Variants in LRIG1 observed in about 807,000 individuals in gnomAD.
LRIG1 encodes leucine rich repeats and immunoglobulin like domains 1, also known as leucine-rich repeats and immunoglobulin-like domains protein 1.
Under a neutral mutation model 99.2 loss-of-function variants are expected in LRIG1, and 48 were observed. The observed-to-expected ratio is 0.48, with a 90% CI of 0.38 to 0.62. The LOEUF (loss-of-function observed/expected upper bound fraction) is 0.62. Among genes scored for constraint, LRIG1 ranks in the 20% least tolerant of loss-of-function variants. The pLI is 0.00. For synonymous variants in LRIG1, 772 were observed against 596.1 expected, an observed-to-expected ratio of 1.29 and a Z score of -4.30; for missense variants, 1,646 against 1,434.4, an observed-to-expected ratio of 1.15 and a Z score of -2.38.
chr3:66,415,477 T>C (rs941942477), intron 4 of LRIG1, among the ~76,000 whole-genome samples: 12 of 152,214 alleles, frequency 7.9e-5, no homozygotes, highest in African/African-American at 2.7e-4. Context: ...GCAAGGTCAG[T>C]GTTAATTTAA....
intron 15 of LRIG1, 41 bp from the exon 16 acceptor site, chr3:66,382,439 G>T: frequency 6.2e-7 from 1 of 1,612,862 alleles, no homozygotes; most frequent in South Asian, 1.1e-5. Flanking sequence ...GGGTCTCAGT[G>T]ACAAGAAATG....
At position 66,405,787 on chromosome 3, in the gene LRIG1, T is replaced by A. The variant is rs571244886; in HGVS notation, c.1080-509A>T. On this transcript the variant is annotated intron_variant, in intron 8 of 18. Coordinates refer to ENST00000273261, the MANE Select transcript of LRIG1 (RefSeq NM_015541.3). ...GGTCTGGAGCCCGGAGCCCATCTCC[T>A]CCCAAGGCCTGCAGGGCGCTGACTC... is the stretch of plus-strand genomic sequence containing the variant. The A allele has an allele frequency of 9.8e-4, 1,163 of 1,184,312 alleles. 1 individual carries two copies. The highest frequency in any genetic ancestry group is 1.2e-3 in the Non-Finnish European group (1,094 of 936,022). 73.4% of individuals were successfully genotyped at this position (1,184,312 alleles called of 1,614,324 possible).
intron 3 of LRIG1, among the ~76,000 whole-genome samples, chr3:66,440,153 G>C (rs1000892363): frequency 3.3e-5 from 5 of 152,048 alleles, no homozygotes; most frequent in African/African-American, 7.3e-5. Flanking sequence ...TAAAGCTTTT[G>C]GCTGCACACT....
Position 66,384,058 on chromosome 3 carries a change from C to A in LRIG1, c.2004G>T (p.Gly668=). 26 of 1,614,066 alleles carry A rather than the reference C, an allele frequency of 1.6e-5. No homozygotes were observed. Among genetic ancestry groups the A allele is most frequent in the Non-Finnish European group, 2.2e-5 (26 of 1,180,032 alleles). The part of the protein sequence containing the change: ...FITDVKIDDA[G]VYSCTAQNSA... ...AGTTCTGAGCAGTACAGCTGTAAAC[C>A]CCTGCGTCATCTATTTTCACATCAG... Residue 668 remains glycine (G), a synonymous_variant, in exon 14 of 19, where the codon GGG becomes GGT. Coordinates refer to ENST00000273261, the MANE Select transcript of LRIG1 (RefSeq NM_015541.3).
intron 5 of LRIG1, among the ~76,000 whole-genome samples, chr3:66,413,864 G>C (rs1026059620): frequency 2.0e-5 from 3 of 152,080 alleles, no homozygotes; most frequent in African/African-American, 4.8e-5. Flanking sequence ...ACACCCCGTC[G>C]TGCCGCCAAC....
At chr3:66,386,539 A>T (rs955403854) in intron 12 of LRIG1, 7 of 485,780 alleles carry the variant, frequency 1.4e-5, no homozygotes, top group Admixed American at 7.2e-5. Context: ...CTTGATTAGA[A>T]ATTAACCCAC....
At chr3:66,394,579 C>T (rs542205962) in intron 11 of LRIG1, among the ~76,000 whole-genome samples, 12 of 152,264 alleles carry the variant, frequency 7.9e-5, no homozygotes, top group Admixed American at 7.2e-4. Context: ...TGCCTTCTGA[C>T]CTCTCCTGAC....
In LRIG1 at chr3:66,380,200, G is replaced by C. The variant is rs753591119; in HGVS notation, c.*63C>G. 5.7e-6 allele frequency: 8 copies of C among 1,394,656 alleles called. No individual in the cohort carries two copies. In the Admixed American group the frequency reaches 1.6e-4, roughly 29 times the overall value. 86.4% of individuals were successfully genotyped at this position (1,394,656 alleles called of 1,614,324 possible). On this transcript the variant is annotated 3_prime_UTR_variant, in exon 19 of 19. Coordinates refer to ENST00000273261, the MANE Select transcript of LRIG1 (RefSeq NM_015541.3). The stretch of plus-strand genomic sequence containing the variant: ...GTGACGCTTGAACCCAAGCTTCCTC[G>C]CAGCCTCTCCTACCTCTCTTTCCCG...
At chr3:66,393,507 G>A (rs1701707051) in intron 12 of LRIG1, among the ~76,000 whole-genome samples, 1 of 152,238 alleles carries the variant, frequency 6.6e-6, no homozygotes, top group Non-Finnish European at 1.5e-5. Context: ...GATGGCAAGA[G>A]CTACGCTCCA....
Position 66,380,126 on chromosome 3 carries a change from C to T in LRIG1, c.*137G>A. 3.0e-6 allele frequency: 2 copies of T among 675,768 alleles called. No homozygotes were observed. The highest frequency in any genetic ancestry group is 2.4e-6 in the Non-Finnish European group (1 of 410,288). 41.9% of individuals were successfully genotyped at this position (675,768 alleles called of 1,614,324 possible). On this transcript the variant is annotated 3_prime_UTR_variant, in exon 19 of 19. Transcript: ENST00000273261. ...GTTTACTGTGCTTCAGATCCAAGTC[C>T]TGTGAGCGACTGATACTCCACATGG...
chr3:66,391,371 C>T (rs1460226034), intron 12 of LRIG1, among the ~76,000 whole-genome samples: 1 of 152,092 alleles, frequency 6.6e-6, no homozygotes, highest in African/African-American at 2.4e-5. Context: ...CAGCATTATT[C>T]ATAATAGCCA....
Position 66,454,941 on chromosome 3 carries a change from T to C in LRIG1, c.291-3308A>G, listed in dbSNP as rs1057453692. 2.6e-5 allele frequency among the ~76,000 whole-genome samples: 4 copies of C among 152,176 alleles called. No homozygotes were observed. In the East Asian group the frequency reaches 5.8e-4, roughly 22 times the overall value. On this transcript the variant is annotated intron_variant, in intron 2 of 18. Transcript: ENST00000273261. Reference sequence around the variant, plus strand: ...CAACAATGTCAAACCAATGCAGAAATTGTGCTTGTCTTTTTTCTGAGACGG... The same window carrying C: ...CAACAATGTCAAACCAATGCAGAAACTGTGCTTGTCTTTTTTCTGAGACGG...
intron 3 of LRIG1, among the ~76,000 whole-genome samples, chr3:66,434,024 A>G (rs751944918): frequency 6.6e-6 from 1 of 152,264 alleles, no homozygotes; most frequent in Non-Finnish European, 1.5e-5. Flanking sequence ...TTTGGGATCT[A>G]CAGGTAAAAT....
chr3:66,414,536 C>T (rs1381505432), intron 5 of LRIG1, among the ~76,000 whole-genome samples: 1 of 152,122 alleles, frequency 6.6e-6, no homozygotes, highest in East Asian at 1.9e-4. Flanking sequence ...CAAGAAGTGT[C>T]GGACACCACC....
At chr3:66,420,799 A>G (rs1219601292) in intron 3 of LRIG1, among the ~76,000 whole-genome samples, 1 of 152,186 alleles carries the variant, frequency 6.6e-6, no homozygotes, top group Non-Finnish European at 1.5e-5. Flanking sequence ...CGCAGAAGGA[A>G]GATCTGTTGT....
At chr3:66,405,697 A>G in intron 8 of LRIG1, 1 of 1,097,466 alleles carries the variant, frequency 9.1e-7, no homozygotes, top group Non-Finnish European at 1.1e-6. Context: ...GAAACTGCAG[A>G]AAGCACATGG....
At chr3:66,392,421 G>C (rs959399493) in intron 12 of LRIG1, among the ~76,000 whole-genome samples, 6 of 152,264 alleles carry the variant, frequency 3.9e-5, no homozygotes, top group African/African-American at 1.4e-4. Flanking sequence ...AGTGTAGGAG[G>C]GTTCTCCCTA....
intron 13 of LRIG1, 25 bp downstream of exon 13, chr3:66,385,956 T>C: frequency 6.3e-7 from 1 of 1,599,536 alleles, no homozygotes; most frequent in Non-Finnish European, 8.5e-7. Flanking sequence ...ATTCTGGTAC[T>C]ATAACAAAGA....
chr3:66,465,662 G>C (rs944080739), intron 1 of LRIG1, among the ~76,000 whole-genome samples: 1 of 151,918 alleles, frequency 6.6e-6, no homozygotes, highest in African/African-American at 2.4e-5. Context: ...CACCGTGCCC[G>C]GCCTGAGCAT....
Sources: allele counts gnomAD v4.1 joint callset (sites outside exome capture counted in the v4.1 genomes callset), GRCh38; gene constraint gnomAD v4.1.1; transcripts MANE v1.5; gene names NCBI Gene and HGNC (gene_info 2026-07-23, HGNC 2026-07-21).